ELAVL4: variants seen among roughly 807,000 people sequenced by gnomAD.
The protein encoded by ELAVL4 is ELAV-like protein 4.
In ELAVL4, 1 loss-of-function variant was observed where a neutral mutation model predicts 35.6. The observed-to-expected ratio is 0.03, with a 90% CI of 0.01 to 0.13. The LOEUF (loss-of-function observed/expected upper bound fraction) is 0.13. Among genes scored for constraint, ELAVL4 ranks in the 10% least tolerant of loss-of-function variants. The probability of loss-of-function intolerance (pLI) is 1.00; values close to 1 mark genes in which losing one functional copy is unlikely to be tolerated. For missense variants in ELAVL4, 267 were observed against 464.9 expected (o/e 0.57, Z 3.91); for synonymous variants, 156 against 171.0 (o/e 0.91, Z 0.69).
intron 2 of ELAVL4, among the ~76,000 whole-genome samples, chr1:50,163,109 T>G (rs547246065): frequency 9.0e-4 from 137 of 152,296 alleles, no homozygotes; most frequent in Non-Finnish European, 1.8e-3. Flanking sequence ...GAGGAATGGG[T>G]GCTCATTGTG....
At chr1:50,191,500 A>T (rs986832842) in intron 3 of ELAVL4, among the ~76,000 whole-genome samples, 20 of 152,222 alleles carry the variant, frequency 1.3e-4, no homozygotes, top group East Asian at 9.7e-4. Flanking sequence ...TCATTTTTTC[A>T]GTAGGTGTTG....
chr1:50,195,921 C>A (rs1644028758), intron 5 of ELAVL4, 135 bp downstream of exon 5: 2 of 993,882 alleles, frequency 2.0e-6, no homozygotes, highest in African/African-American at 1.6e-5. Flanking sequence ...CAAAACTCCC[C>A]CCGAGCCTCA....
chr1:50,102,557 A>AT (rs1349685950), upstream of ELAVL4, among the ~76,000 whole-genome samples: 3 of 151,970 alleles, frequency 2.0e-5, no homozygotes, highest in African/African-American at 7.2e-5. Context: ...TGAGTCCAGA[A>AT]TTTTTTTAAA....
At chr1:50,087,656 A>G (rs1337364199) in intron 1 of ELAVL4, among the ~76,000 whole-genome samples, 2 of 152,196 alleles carry the variant, frequency 1.3e-5, no homozygotes, top group Non-Finnish European at 2.9e-5. Context: ...GTATTTGGAC[A>G]TAAGGCTTCT....
At chr1:50,061,245 G>A (rs1663950330) in intron 1 of ELAVL4, among the ~76,000 whole-genome samples, 1 of 152,154 alleles carries the variant, frequency 6.6e-6, no homozygotes, top group Admixed American at 6.5e-5. Flanking sequence ...ACTCTTTGCT[G>A]GGCTTGAATA....
intron 4 of ELAVL4, among the ~76,000 whole-genome samples, chr1:50,195,159 T>A (rs1484928614): frequency 6.6e-6 from 1 of 152,238 alleles, no homozygotes; most frequent in Non-Finnish European, 1.5e-5. Context: ...ATACAGAAGA[T>A]GTTTTTAAAG....
chr1:50,092,786 A>G (rs891301944), intron 1 of ELAVL4, among the ~76,000 whole-genome samples: 10 of 152,184 alleles, frequency 6.6e-5, no homozygotes, highest in African/African-American at 2.2e-4. Context: ...TATGGACTTT[A>G]GTTCAGTTAG....
intron 1 of ELAVL4, among the ~76,000 whole-genome samples, chr1:50,084,756 G>T (rs914573031): frequency 4.6e-5 from 7 of 151,938 alleles, no homozygotes; most frequent in Admixed American, 3.3e-4. Flanking sequence ...CATCCTTTAG[G>T]TAGGTGTCAG....
At position 50,167,569 on chromosome 1, in the gene ELAVL4, G is replaced by T. The variant is rs567415835; in HGVS notation, c.251-9520G>T. Among the ~76,000 whole-genome samples the T allele has an allele frequency of 5.6e-4, 86 of 152,296 alleles. 1 individual carries two copies. Among genetic ancestry groups the T allele is most frequent in the African/African-American group, 1.9e-3 (79 of 41,582 alleles). ...ATGGTGTCATATCAAGGGCTCGATAGTGGTCTCTGCTGCTGGCCAATTAGG... is the reference window on the plus strand; with the variant it reads ...ATGGTGTCATATCAAGGGCTCGATATTGGTCTCTGCTGCTGGCCAATTAGG... On this transcript the variant is annotated intron_variant, in intron 2 of 6. Transcript: ENST00000371824.
At chr1:50,075,286 G>GT (rs1664709970) in intron 1 of ELAVL4, among the ~76,000 whole-genome samples, 1 of 152,166 alleles carries the variant, frequency 6.6e-6, no homozygotes, top group Non-Finnish European at 1.5e-5. Flanking sequence ...GTATTGAAAG[G>GT]TTTTAAGCAG....
chr1:50,193,858 C>G lies in ELAVL4; in HGVS notation c.448C>G (p.Gln150Glu). The stretch of plus-strand genomic sequence containing the variant: ...AACCATGACCCAGAAGGAACTGGAG[C>G]AACTTTTCTCGCAATACGGCCGTAT... Reference protein sequence around the residue: ...PKTMTQKELEQLFSQYGRIIT... With the variant: ...PKTMTQKELEELFSQYGRIIT... Residue 150 changes from glutamine (Q) to glutamate (E), a missense_variant, in exon 4 of 7, where the codon CAA becomes GAA. Gln to Glu is a conservative substitution (Grantham distance 29). This residue lies in a region of ELAVL4 where 216 missense variants were observed against 409.5 expected (regional missense o/e 0.53). Coordinates refer to ENST00000371824, the MANE Select transcript of ELAVL4 (RefSeq NM_001144774.3). 1 of 1,614,118 alleles carries G rather than the reference C, an allele frequency of 6.2e-7. No homozygotes were observed. The highest frequency in any genetic ancestry group is 1.1e-5 in the South Asian group (1 of 91,082).
At chr1:50,064,770 A>T (rs1664178650) in intron 1 of ELAVL4, among the ~76,000 whole-genome samples, 1 of 152,158 alleles carries the variant, frequency 6.6e-6, no homozygotes, top group Non-Finnish European at 1.5e-5. Flanking sequence ...CTCCACTTTG[A>T]ACTCTGGAAT....
chr1:50,122,437 A>C (rs904357993), intron 1 of ELAVL4, among the ~76,000 whole-genome samples: 2 of 152,136 alleles, frequency 1.3e-5, no homozygotes, highest in African/African-American at 4.8e-5. Flanking sequence ...ATTACATTGA[A>C]TTGAAGTTGG....
intron 6 of ELAVL4, among the ~76,000 whole-genome samples, chr1:50,198,204 C>G (rs547708931): frequency 7.9e-5 from 12 of 152,144 alleles, no homozygotes; most frequent in Admixed American, 4.6e-4. Context: ...TTTTGGGGCT[C>G]TCTGAATGCA....
chr1:50,082,891 C>G (rs151250238), intron 1 of ELAVL4, among the ~76,000 whole-genome samples: 9 of 152,296 alleles, frequency 5.9e-5, no homozygotes, highest in Middle Eastern at 3.4e-3. Context: ...TACCTACCCA[C>G]CTGTATTTAC....
chr1:50,145,350 A>T (rs955316373), intron 2 of ELAVL4, among the ~76,000 whole-genome samples, 153 bp downstream of exon 2: 10 of 152,198 alleles, frequency 6.6e-5, no homozygotes, highest in African/African-American at 2.4e-4. Context: ...TACATACACC[A>T]CATAAGACCT....
chr1:50,121,109 T>C (rs1182239551), intron 1 of ELAVL4, among the ~76,000 whole-genome samples: 1 of 152,002 alleles, frequency 6.6e-6, no homozygotes, highest in Non-Finnish European at 1.5e-5. Context: ...ATGGCTTTTG[T>C]TGGGGGTTTT....
At chr1:50,132,198 TA>T (rs934967699) in intron 1 of ELAVL4, among the ~76,000 whole-genome samples, 16 of 152,252 alleles carry the variant, frequency 1.1e-4, no homozygotes, top group African/African-American at 3.1e-4. Context: ...GAGAGAAGCT[TA>T]AAAAGCGTGG....
intron 2 of ELAVL4, among the ~76,000 whole-genome samples, chr1:50,168,602 CCAG>C (rs1293761983): frequency 6.6e-6 from 1 of 152,126 alleles, no homozygotes; most frequent in African/African-American, 2.4e-5. Flanking sequence ...GAGCAACCAA[CCAG>C]CTTCATTATG....
Sources: allele counts gnomAD v4.1 joint callset (sites outside exome capture counted in the v4.1 genomes callset), GRCh38; gene constraint gnomAD v4.1.1; regional missense constraint gnomAD v4.1.1; transcripts MANE v1.5; gene names NCBI Gene and HGNC (gene_info 2026-07-23, HGNC 2026-07-21).